CAMTA1: variants seen among roughly 807,000 people sequenced by gnomAD.
CAMTA1 encodes calmodulin binding transcription activator 1, also known as calmodulin-binding transcription activator 1.
CAMTA1 carries 27 observed loss-of-function variants against 170.9 expected under a neutral mutation model. The ratio of observed to expected loss-of-function variants is 0.16; its 90% CI spans 0.12 to 0.22. The LOEUF is 0.22. Among genes scored for constraint, CAMTA1 ranks in the 10% least tolerant of loss-of-function variants. The pLI is 1.00. For synonymous variants in CAMTA1, 833 were observed against 891.5 expected, an observed-to-expected ratio of 0.93 and a Z score of 1.17; for missense variants, 1,619 against 2,217.2, an observed-to-expected ratio of 0.73 and a Z score of 5.42.
chr1:7,024,028 C>CAAAAAA (rs35095557), intron 3 of CAMTA1, among the ~76,000 whole-genome samples: 2 of 96,134 alleles, frequency 2.1e-5, no homozygotes, highest in African/African-American at 8.1e-5. Flanking sequence ...GACTCTGTCT[C>CAAAAAA]AAAAAAAAAA....
chr1:7,175,848 C>T (rs1302698144), intron 4 of CAMTA1, among the ~76,000 whole-genome samples: 1 of 152,248 alleles, frequency 6.6e-6, no homozygotes, highest in East Asian at 1.9e-4. Context: ...TGCCTGAAGC[C>T]ATGTGGGTTT....
In CAMTA1 at chr1:7,588,781, T is replaced by C. The variant is rs2095332042; in HGVS notation, c.511-51619T>C. 6.6e-6 allele frequency among the ~76,000 whole-genome samples: 1 copy of C among 152,196 alleles called. No individual in the cohort carries two copies. Among genetic ancestry groups the C allele is most frequent in the Admixed American group, 6.5e-5 (1 of 15,284 alleles). On this transcript the variant is annotated intron_variant, in intron 6 of 22. Transcript: ENST00000303635. This position sits in a 1 kb window ranked among gnomAD's most constrained non-coding sequence, Gnocchi z 5.8. ...GGCAGGAGATTCACCCAAAGGGAAG[T>C]GACGGGGCAATTTATCATATCAATA...
At chr1:7,271,052 C>T (rs1462926664) in intron 5 of CAMTA1, among the ~76,000 whole-genome samples, 3 of 152,098 alleles carry the variant, frequency 2.0e-5, no homozygotes, top group African/African-American at 4.8e-5. Context: ...GTTTGCATAT[C>T]CCCCCAATTT....
intron 11 of CAMTA1, among the ~76,000 whole-genome samples, chr1:7,688,854 G>A (rs1287307037): frequency 2.0e-5 from 3 of 152,224 alleles, no homozygotes; most frequent in Non-Finnish European, 4.4e-5. Context: ...CTCCCCAGCA[G>A]TAATCTGCTG....
intron 5 of CAMTA1, among the ~76,000 whole-genome samples, chr1:7,343,595 A>G (rs975974746): frequency 5.9e-5 from 9 of 152,170 alleles, no homozygotes; most frequent in African/African-American, 1.7e-4. Context: ...GAACTAGGAC[A>G]TTACCAATTA....
intron 3 of CAMTA1, among the ~76,000 whole-genome samples, chr1:6,938,943 G>A (rs896020164): frequency 2.6e-5 from 4 of 152,200 alleles, no homozygotes; most frequent in South Asian, 2.1e-4. Flanking sequence ...TTCCCAAGAC[G>A]TTTGGGCCTG....
chr1:7,522,490 T>G (rs961986330), intron 6 of CAMTA1, among the ~76,000 whole-genome samples: 1 of 152,236 alleles, frequency 6.6e-6, no homozygotes, highest in Non-Finnish European at 1.5e-5. Context: ...ACAAAAGTTT[T>G]TAATGTTGAT....
chr1:6,921,115 A>C (rs1232573582), intron 3 of CAMTA1, among the ~76,000 whole-genome samples: 1 of 152,208 alleles, frequency 6.6e-6, no homozygotes, highest in African/African-American at 2.4e-5. Flanking sequence ...CCCTTTTGAA[A>C]CTGAATGCCT....
chr1:7,701,279 C>A (rs1325084327), intron 11 of CAMTA1, among the ~76,000 whole-genome samples: 1 of 152,198 alleles, frequency 6.6e-6, no homozygotes, highest in Non-Finnish European at 1.5e-5. Context: ...GAGTGCCTGG[C>A]ACAACAGCAG....
At chr1:7,337,522 A>C (rs2083466802) in intron 5 of CAMTA1, among the ~76,000 whole-genome samples, 2 of 136,986 alleles carry the variant, frequency 1.5e-5, no homozygotes, top group East Asian at 2.0e-4. Flanking sequence ...GGGCTCATCC[A>C]ATCACAGTGT....
intron 5 of CAMTA1, among the ~76,000 whole-genome samples, chr1:7,385,942 G>T (rs544204659): frequency 3.2e-4 from 48 of 152,314 alleles, no homozygotes; most frequent in African/African-American, 1.1e-3. Flanking sequence ...CTCCTTCTGG[G>T]CTGTGAGGGC....
At chr1:6,813,923 C>A (rs1645480947) in intron 1 of CAMTA1, among the ~76,000 whole-genome samples, 1 of 152,146 alleles carries the variant, frequency 6.6e-6, no homozygotes. Context: ...AATTCCACCA[C>A]CATCACCAGG....
At position 7,467,767 on chromosome 1, in the gene CAMTA1, C is replaced by T. The variant is rs146457613; in HGVS notation, c.439-63C>T. 1.5e-4 allele frequency: 203 copies of T among 1,398,524 alleles called. No homozygotes were observed. In the African/African-American group the frequency reaches 2.3e-3, roughly 16 times the overall value. 86.6% of individuals were successfully genotyped at this position (1,398,524 alleles called of 1,614,324 possible). A position where few individuals can be genotyped will look rare whatever the true frequency, so the allele number is the denominator to read the frequency against. ...CCTTCTTGCTCCTTCTCTGTTGCGC[C>T]GTCTTCCTTCCTTCCTTCCTTCCCT... On this transcript the variant is annotated intron_variant, in intron 5 of 22. Coordinates refer to ENST00000303635, the MANE Select transcript of CAMTA1 (RefSeq NM_015215.4).
intron 1 of CAMTA1, among the ~76,000 whole-genome samples, chr1:6,815,165 G>C (rs1557612026): frequency 6.6e-6 from 1 of 151,600 alleles, no homozygotes; most frequent in Non-Finnish European, 1.5e-5. Context: ...TTTGAAAACA[G>C]GGAATATATA....
At chr1:6,912,550 C>T (rs561300309) in intron 3 of CAMTA1, among the ~76,000 whole-genome samples, 38 of 152,378 alleles carry the variant, frequency 2.5e-4, no homozygotes, top group African/African-American at 8.7e-4. Flanking sequence ...CTTGGTCTTT[C>T]TCATGCCATA....
At position 7,162,904 on chromosome 1, in the gene CAMTA1, A is replaced by G. The variant is rs143883209; in HGVS notation, c.302+71533A>G. 1.9e-3 allele frequency among the ~76,000 whole-genome samples: 295 copies of G among 152,204 alleles called. 7 individuals are homozygous for G. The South Asian group carries it at 0.042, about 22-fold the overall frequency. On this transcript the variant is annotated intron_variant, in intron 4 of 22. Transcript: ENST00000303635. ...TGCCAAGCTGTTTTCCAAAATGGCT[A>G]TGCCATTTTATGTTCACACCAGAGG... is the stretch of plus-strand genomic sequence containing the variant.
chr1:7,388,552 G>A (rs1182079335), intron 5 of CAMTA1: 1 of 152,422 alleles, frequency 6.6e-6, no homozygotes, highest in Non-Finnish European at 1.5e-5. Flanking sequence ...AAATGTTCAG[G>A]GAGGACTGGT....
intron 3 of CAMTA1, among the ~76,000 whole-genome samples, chr1:6,925,299 C>T (rs1156678114): frequency 6.6e-6 from 1 of 152,250 alleles, no homozygotes; most frequent in Non-Finnish European, 1.5e-5. Context: ...GCCCTCCTGT[C>T]TCTCATGCCT....
At chr1:7,121,429 G>A (rs1360231367) in intron 4 of CAMTA1, among the ~76,000 whole-genome samples, 3 of 152,244 alleles carry the variant, frequency 2.0e-5, no homozygotes, top group African/African-American at 7.2e-5. Context: ...TTCCAGTGAA[G>A]GGAATGTTCT....
Sources: gnomAD v4.1 joint callset for allele counts (sites outside exome capture counted in the v4.1 genomes callset) on GRCh38, gnomAD v4.1.1 for gene constraint, Gnocchi (gnomAD v3.1) non-coding constraint, MANE v1.5 for transcripts, NCBI Gene and HGNC (gene_info 2026-07-23, HGNC 2026-07-21) for gene names.